FOXN3: variants seen among roughly 807,000 people sequenced by gnomAD.
The protein encoded by FOXN3 is forkhead box protein N3.
A neutral mutation model predicts 38.4 loss-of-function variants in FOXN3; 7 were observed. The ratio of observed to expected loss-of-function variants is 0.18; its 90% confidence interval spans 0.10 to 0.34. The LOEUF (loss-of-function observed/expected upper bound fraction) is 0.34. Ranked by LOEUF, FOXN3 falls within the 10% of genes least tolerant of loss-of-function variation. The probability of loss-of-function intolerance (pLI) is 1.00; values close to 1 mark genes in which losing one functional copy is unlikely to be tolerated. For synonymous variants in FOXN3, 230 were observed against 242.2 expected (o/e 0.95, Z 0.47); for missense variants, 456 against 613.4 (o/e 0.74, Z 2.71).
rs1409699629 is a variant in FOXN3, at chr14:89,180,902, G to A, written c.746-96C>T. On this transcript the variant is annotated intron_variant, in intron 4 of 5. Transcript: ENST00000557258. ...ATTCTGGATAGACCAATAAGAGAGA[G>A]AGAGAGACAGAGGGCAGAGACAGAG... is the stretch of plus-strand genomic sequence containing the variant. 14 of 462,046 alleles carry A rather than the reference G, an allele frequency of 3.0e-5. 1 individual carries two copies. The highest frequency in any genetic ancestry group is 2.1e-4 in the East Asian group (5 of 23,606). The allele number at this position is 462,046 out of a possible 1,614,324, so 28.6% of individuals were successfully genotyped here. A position where few individuals can be genotyped will look rare whatever the true frequency, so the allele number is the denominator to read the frequency against.
chr14:89,469,828 G>A (rs576466642), intron 1 of FOXN3, among the ~76,000 whole-genome samples: 4 of 152,354 alleles, frequency 2.6e-5, no homozygotes, highest in South Asian at 2.1e-4. Flanking sequence ...ACGCAGGATC[G>A]TTCCATGTAC....
At chr14:89,538,463 G>C (rs1596311201) in intron 1 of FOXN3, among the ~76,000 whole-genome samples, 1 of 152,150 alleles carries the variant, frequency 6.6e-6, no homozygotes, top group African/African-American at 2.4e-5. Context: ...TGAAGCAGGA[G>C]GCTGCCATCT....
chr14:89,190,273 T>G, intron 4 of FOXN3: 1 of 755,960 alleles, frequency 1.3e-6, no homozygotes, highest in South Asian at 1.9e-5. Flanking sequence ...TTAAAGTGAT[T>G]CTATAAGGGA....
rs1887137899 is a variant in FOXN3 at position 89,162,751 on chromosome 14, C to T, written c.1070G>A (p.Gly357Asp). The T allele has an allele frequency of 6.2e-7, 1 of 1,612,644 alleles. No individual in the cohort carries two copies. The highest frequency in any genetic ancestry group is 8.5e-7 in the Non-Finnish European group (1 of 1,179,028). ...ATKGSQEGSE[G>D]SEGSFRSHES... ...GTGGCTCCGGAAGCTCCCCTCGCTGCCCTCGCTGCCCTCCTGGCTCCCCTT... is the reference window on the plus strand; with the variant it reads ...GTGGCTCCGGAAGCTCCCCTCGCTGTCCTCGCTGCCCTCCTGGCTCCCCTT... Residue 357 changes from glycine to aspartate, a missense_variant, in exon 6 of 6, where the codon GGC becomes GAC. Gly to Asp is a moderately conservative substitution (Grantham distance 94). Around this residue, in one of 3 missense-constraint regions of FOXN3, gnomAD observed 386 missense variants for 505.2 expected, o/e 0.76. Transcript: ENST00000557258. The surrounding 1 kb of genome is among the most constrained non-coding windows in gnomAD (Gnocchi z 7.2).
At chr14:89,514,097 A>G (rs1011807258) in intron 1 of FOXN3, among the ~76,000 whole-genome samples, 2 of 152,168 alleles carry the variant, frequency 1.3e-5, no homozygotes, top group Admixed American at 1.3e-4. Context: ...GCTCATCTTG[A>G]AAGACAAGAT....
At chr14:89,467,055 T>G (rs1892985840) in intron 1 of FOXN3, among the ~76,000 whole-genome samples, 1 of 152,202 alleles carries the variant, frequency 6.6e-6, no homozygotes. Flanking sequence ...GTAATAATCA[T>G]GAACTCAGAT....
chr14:89,241,216 G>A (rs780437500), intron 4 of FOXN3, among the ~76,000 whole-genome samples: 3 of 152,170 alleles, frequency 2.0e-5, no homozygotes, highest in African/African-American at 7.2e-5. Flanking sequence ...CGTTTAGACC[G>A]ATTTTAGATT....
intron 1 of FOXN3, among the ~76,000 whole-genome samples, chr14:89,611,998 G>C (rs1896403364): frequency 6.6e-6 from 1 of 151,852 alleles, no homozygotes; most frequent in South Asian, 2.1e-4. Context: ...GTGTGGAAGG[G>C]GAAGTCTTCA....
intron 3 of FOXN3, among the ~76,000 whole-genome samples, chr14:89,349,058 C>G (rs1018970314): frequency 1.3e-5 from 2 of 152,144 alleles, no homozygotes; most frequent in East Asian, 3.9e-4. Context: ...AAGGGTATTC[C>G]ATGCAGCTTG....
intron 1 of FOXN3, among the ~76,000 whole-genome samples, chr14:89,551,386 C>T (rs773412226): frequency 8.5e-5 from 13 of 152,250 alleles, no homozygotes; most frequent in Non-Finnish European, 1.3e-4. Context: ...GGTTCTGATC[C>T]ATCCACTATC....
At chr14:89,285,353 C>T (rs1300486683) in intron 3 of FOXN3, among the ~76,000 whole-genome samples, 1 of 151,900 alleles carries the variant, frequency 6.6e-6, no homozygotes, top group Non-Finnish European at 1.5e-5. Flanking sequence ...ACCCCGTCTC[C>T]ACTAAAAATA....
chr14:89,372,359 T>C (rs1890342833), intron 2 of FOXN3, among the ~76,000 whole-genome samples: 2 of 152,334 alleles, frequency 1.3e-5, no homozygotes, highest in Non-Finnish European at 2.9e-5. Flanking sequence ...ATATTCTCTG[T>C]AGAATTCCTT....
At chr14:89,549,907 G>T (rs1894966111) in intron 1 of FOXN3, among the ~76,000 whole-genome samples, 1 of 152,194 alleles carries the variant, frequency 6.6e-6, no homozygotes, top group South Asian at 2.1e-4. Flanking sequence ...TTCAGACTGT[G>T]AGGTTCCCAA....
chr14:89,216,355 G>C (rs1884281892), intron 4 of FOXN3, among the ~76,000 whole-genome samples: 1 of 152,134 alleles, frequency 6.6e-6, no homozygotes, highest in Non-Finnish European at 1.5e-5. Context: ...GTAAGGCATA[G>C]GTCAAAGGGG....
At chr14:89,514,284 C>T (rs191716217) in intron 1 of FOXN3, among the ~76,000 whole-genome samples, 4 of 152,314 alleles carry the variant, frequency 2.6e-5, no homozygotes, top group South Asian at 2.1e-4. Flanking sequence ...TGCTTCTGGG[C>T]GGCAGGTCTC....
intron 1 of FOXN3, among the ~76,000 whole-genome samples, chr14:89,463,771 G>A (rs1174514748): frequency 1.4e-5 from 2 of 145,156 alleles, no homozygotes; most frequent in Non-Finnish European, 3.0e-5. Context: ...TGCAGGGGTA[G>A]TGGTCTCTCT....
rs1008702622 is a variant in FOXN3, at chr14:89,412,780, T to A, written c.-14-290A>T. Among the ~76,000 whole-genome samples, 2 of 152,302 alleles carry A rather than the reference T, an allele frequency of 1.3e-5. No homozygotes were observed. The highest frequency in any genetic ancestry group is 2.9e-5 in the Non-Finnish European group (2 of 68,026). ...CAGGCACGGTGGCTCACGCCTGTAA[T>A]CCCAGCACTTTGGGAGGCTGAGGCG... On this transcript the variant is annotated intron_variant, in intron 1 of 5. Coordinates refer to ENST00000557258, the MANE Select transcript of FOXN3 (RefSeq NM_005197.4). This position sits in a 1 kb window ranked among gnomAD's most constrained non-coding sequence, Gnocchi z 4.7.
chr14:89,482,677 G>A (rs1893358742), intron 1 of FOXN3, among the ~76,000 whole-genome samples: 1 of 152,092 alleles, frequency 6.6e-6, no homozygotes, highest in Admixed American at 6.6e-5. Context: ...GGGAGGCTGA[G>A]GCGGGTGGAT....
rs71130053 is a variant in FOXN3, at chr14:89,324,443, CGTGTGTGTGT to C, written c.680+26219_680+26228del. 3.6e-3 allele frequency among the ~76,000 whole-genome samples: 512 copies of C among 143,466 alleles called. 1 individual carries two copies. The highest frequency in any genetic ancestry group is 0.01 in the Middle Eastern group (3 of 286). 94.1% of individuals were successfully genotyped at this position (143,466 alleles called of 152,430 possible). A position where few individuals can be genotyped will look rare whatever the true frequency, so the allele number is the denominator to read the frequency against. ...TTGGTTTGAAACAGCTAAGTGTGTG[CGTGTGTGTGT>C]GTGTGTGTGTGTGTGTGTGTGTGTG... is the stretch of plus-strand genomic sequence containing the variant. On this transcript the variant is annotated intron_variant, in intron 3 of 5. Transcript: ENST00000557258.
Sources: allele counts gnomAD v4.1 joint callset (sites outside exome capture counted in the v4.1 genomes callset), GRCh38; gene constraint gnomAD v4.1.1; regional missense constraint gnomAD v4.1.1; non-coding constraint Gnocchi (gnomAD v3.1); transcripts MANE v1.5; gene names NCBI Gene and HGNC (gene_info 2026-07-23, HGNC 2026-07-21).